The following CEP128 variants were observed in gnomAD, a reference collection of about 807,000 sequenced individuals.
CEP128 encodes centrosomal protein 128.
In CEP128, 132 loss-of-function variants were observed where a neutral mutation model predicts 156.7. The ratio of observed to expected loss-of-function variants is 0.84; its 90% CI spans 0.73 to 0.97. The LOEUF (loss-of-function observed/expected upper bound fraction) is 0.97. Ranked by LOEUF, CEP128 falls within the 50% of genes least tolerant of loss-of-function variation. The pLI, the probability that CEP128 is intolerant of heterozygous loss-of-function variation, is 0.00. For missense variants in CEP128, 1,252 were observed against 1,281.9 expected, an observed-to-expected ratio of 0.98 and a Z score of 0.36; for synonymous variants, 469 against 448.9, an observed-to-expected ratio of 1.04 and a Z score of -0.57.
intron 16 of CEP128, among the ~76,000 whole-genome samples, chr14:80,776,845 A>C (rs1399201714): frequency 6.6e-6 from 1 of 152,156 alleles, no homozygotes; most frequent in Non-Finnish European, 1.5e-5. Flanking sequence ...AAGAGAAAAC[A>C]AATTTAAATA....
intron 19 of CEP128, among the ~76,000 whole-genome samples, chr14:80,681,505 T>C (rs1896322060): frequency 6.6e-6 from 1 of 152,216 alleles, no homozygotes; most frequent in African/African-American, 2.4e-5. Context: ...AACTGAATTG[T>C]AGTTCCCATA....
chr14:80,721,275 T>C (rs1286801705), intron 19 of CEP128, among the ~76,000 whole-genome samples: 1 of 152,146 alleles, frequency 6.6e-6, no homozygotes, highest in Non-Finnish European at 1.5e-5. Context: ...TCGACAACCC[T>C]GGCAATCATA....
intron 19 of CEP128, among the ~76,000 whole-genome samples, chr14:80,702,979 T>A (rs1276692550): frequency 6.6e-6 from 1 of 152,166 alleles, no homozygotes; most frequent in African/African-American, 2.4e-5. Flanking sequence ...AGATTATGTA[T>A]GTATGTATGT....
At chr14:80,578,186 A>G (rs1300637327) in intron 20 of CEP128, among the ~76,000 whole-genome samples, 3 of 152,170 alleles carry the variant, frequency 2.0e-5, no homozygotes, top group Non-Finnish European at 4.4e-5. Flanking sequence ...TAATTATAAT[A>G]TAGAGGGTAA....
chr14:80,494,765 G>C (rs969829839), downstream of CEP128, among the ~76,000 whole-genome samples: 1 of 152,112 alleles, frequency 6.6e-6, no homozygotes, highest in South Asian at 2.1e-4. Context: ...TTTAAATGCT[G>C]TATGCATACT....
intron 23 of CEP128, among the ~76,000 whole-genome samples, chr14:80,509,506 GTTGT>G (rs748671976): frequency 5.9e-5 from 9 of 152,194 alleles, no homozygotes; most frequent in Admixed American, 1.3e-4. Flanking sequence ...TCCCTATGGA[GTTGT>G]TTGAGTTCCT....
chr14:80,727,397 G>T (rs1296918720), intron 19 of CEP128, among the ~76,000 whole-genome samples: 1 of 152,142 alleles, frequency 6.6e-6, no homozygotes. Context: ...AGTTACAGAA[G>T]TGGAGAGGCC....
chr14:80,620,832 ATC>A (rs1464639299), intron 19 of CEP128, among the ~76,000 whole-genome samples: 4 of 152,358 alleles, frequency 2.6e-5, no homozygotes, highest in African/African-American at 9.6e-5. Flanking sequence ...GCCTACTAAA[ATC>A]ATACAAATAG....
intron 19 of CEP128, among the ~76,000 whole-genome samples, chr14:80,679,382 AT>A (rs565743737): frequency 8.3e-4 from 126 of 152,274 alleles, no homozygotes; most frequent in African/African-American, 2.9e-3. Context: ...GAATATTAAT[AT>A]TTAATACCCT....
intron 19 of CEP128, among the ~76,000 whole-genome samples, chr14:80,710,311 G>A (rs998397452): frequency 1.3e-5 from 2 of 151,918 alleles, no homozygotes; most frequent in African/African-American, 2.4e-5. Flanking sequence ...CACAATTACA[G>A]TATGATATAT....
At chr14:80,775,625 C>A (rs986273401) in intron 16 of CEP128, among the ~76,000 whole-genome samples, 1 of 152,164 alleles carries the variant, frequency 6.6e-6, no homozygotes, top group African/African-American at 2.4e-5. Flanking sequence ...TGTTAGCCAA[C>A]AACAAACATG....
intron 19 of CEP128, among the ~76,000 whole-genome samples, chr14:80,616,265 G>C (rs180814722): frequency 6.6e-5 from 10 of 152,316 alleles, no homozygotes; most frequent in Admixed American, 6.5e-4. Context: ...AATCATCATA[G>C]TGACAATGAC....
intron 19 of CEP128, among the ~76,000 whole-genome samples, chr14:80,628,728 C>G (rs969574646): frequency 6.6e-6 from 1 of 152,098 alleles, no homozygotes; most frequent in African/African-American, 2.4e-5. Context: ...GGGTAACATA[C>G]CTGATTAGGT....
chr14:80,517,617 T>C (rs1888548416), intron 23 of CEP128, among the ~76,000 whole-genome samples: 1 of 152,194 alleles, frequency 6.6e-6, no homozygotes, highest in African/African-American at 2.4e-5. Context: ...ATTTTAACTT[T>C]ACTGAAATTT....
At chr14:80,673,759 G>C (rs1434094229) in intron 19 of CEP128, among the ~76,000 whole-genome samples, 2 of 149,920 alleles carry the variant, frequency 1.3e-5, no homozygotes, top group Non-Finnish European at 3.0e-5. Context: ...TCTTGAAGGA[G>C]ATATGAACGC....
At chr14:80,590,983 G>C (rs1480924763) in intron 19 of CEP128, among the ~76,000 whole-genome samples, 1 of 149,390 alleles carries the variant, frequency 6.7e-6, no homozygotes, top group Non-Finnish European at 1.5e-5. Context: ...CACCGGGCCA[G>C]CCTTGCAAGA....
At chr14:80,513,020 G>T (rs1025451723) in intron 23 of CEP128, among the ~76,000 whole-genome samples, 25 of 152,052 alleles carry the variant, frequency 1.6e-4, no homozygotes, top group African/African-American at 5.8e-4. Flanking sequence ...TGTAATTGCA[G>T]TGTTATAATG....
chr14:80,662,581 C>T (rs898201735), intron 19 of CEP128, among the ~76,000 whole-genome samples: 1 of 152,060 alleles, frequency 6.6e-6, no homozygotes, highest in Admixed American at 6.6e-5. Context: ...GGATTTGCAA[C>T]ACTGCAAATC....
At chr14:80,923,187 T>C (rs765260662) in intron 2 of CEP128, among the ~76,000 whole-genome samples, 1 of 152,222 alleles carries the variant, frequency 6.6e-6, no homozygotes, top group Non-Finnish European at 1.5e-5. Flanking sequence ...TCTGTCTTAA[T>C]GAACCTTATA....
Sources: allele counts gnomAD v4.1 joint callset (sites outside exome capture counted in the v4.1 genomes callset), GRCh38; gene constraint gnomAD v4.1.1; transcripts MANE v1.5; gene names NCBI Gene and HGNC (gene_info 2026-07-23, HGNC 2026-07-21).